The following N4BP1 variants were observed in gnomAD, a reference collection of about 807,000 sequenced individuals.
N4BP1 encodes NEDD4 binding protein 1, also known as NEDD4-binding protein 1.
N4BP1 carries 21 observed loss-of-function variants against 70.9 expected under a neutral mutation model. That is an observed-to-expected ratio of 0.30 (90% CI 0.21 to 0.43). The LOEUF is 0.43. N4BP1 is among the 20% of genes least tolerant of loss of function. N4BP1 has a pLI of 1.00. For synonymous variants in N4BP1, 387 were observed against 394.6 expected (o/e 0.98, Z 0.23); for missense variants, 936 against 1,069.4 (o/e 0.88, Z 1.74).
chr16:48,593,967 A>C (rs1284329652), intron 1 of N4BP1, among the ~76,000 whole-genome samples: 1 of 133,510 alleles, frequency 7.5e-6, no homozygotes, highest in Non-Finnish European at 1.5e-5. Flanking sequence ...ATGCCACTGC[A>C]CTCCAGCCTG....
intron 1 of N4BP1, among the ~76,000 whole-genome samples, chr16:48,592,071 G>A (rs1213217995): frequency 2.0e-5 from 3 of 152,056 alleles, no homozygotes; most frequent in Non-Finnish European, 2.9e-5. Context: ...CCACCTGGAA[G>A]GTAAGGAGGA....
chr16:48,561,976 G>T lies in N4BP1; in HGVS notation c.667C>A (p.Leu223Met). 6.2e-7 allele frequency: 1 copy of T among 1,613,884 alleles called. No individual in the cohort carries two copies. Among genetic ancestry groups the T allele is most frequent in the Non-Finnish European group, 8.5e-7 (1 of 1,179,880 alleles). Residue 223 changes from leucine to methionine, a missense_variant, in exon 2 of 7, where the codon CTG becomes ATG. By Grantham distance (15) the Leu-to-Met change is conservative. Coordinates refer to ENST00000262384, the MANE Select transcript of N4BP1 (RefSeq NM_153029.4). Reference protein sequence around the residue: ...TEFTQNAATGLNISRDETVLQ... With the variant: ...TEFTQNAATGMNISRDETVLQ... ...ACAGTTTCATCTCTAGAAATATTCA[G>T]CCCTGTGGCAGCATTCTGTGTAAAC...
chr16:48,609,728 C>A, intron 1 of N4BP1, 47 bp downstream of exon 1: 2 of 1,293,920 alleles, frequency 1.5e-6, no homozygotes, highest in Admixed American at 4.2e-5. Context: ...CCCGGAGACC[C>A]GGACCGATCG....
At chr16:48,564,109 C>G (rs559995564) in intron 1 of N4BP1, among the ~76,000 whole-genome samples, 1 of 152,222 alleles carries the variant, frequency 6.6e-6, no homozygotes, top group African/African-American at 2.4e-5. Flanking sequence ...TTTGAGAGCT[C>G]TTTATATATC....
chr16:48,555,645 G>GA (rs1344298274), intron 2 of N4BP1, among the ~76,000 whole-genome samples: 2 of 152,048 alleles, frequency 1.3e-5, no homozygotes, highest in Non-Finnish European at 2.9e-5. Context: ...TTTTTAACTA[G>GA]AAAAAAGACT....
At chr16:48,589,857 G>A (rs1015228806) in intron 1 of N4BP1, among the ~76,000 whole-genome samples, 1 of 152,210 alleles carries the variant, frequency 6.6e-6, no homozygotes, top group Non-Finnish European at 1.5e-5. Flanking sequence ...CCTTTGGGCT[G>A]TTCTTGTTCA....
intron 1 of N4BP1, among the ~76,000 whole-genome samples, chr16:48,590,411 C>A (rs1251930713): frequency 6.6e-6 from 1 of 152,154 alleles, no homozygotes; most frequent in African/African-American, 2.4e-5. Flanking sequence ...GTGAATTACT[C>A]TTTCTCCACT....
chr16:48,544,361 G>A (rs1355342111), intron 6 of N4BP1, among the ~76,000 whole-genome samples: 1 of 152,174 alleles, frequency 6.6e-6, no homozygotes, highest in Non-Finnish European at 1.5e-5. Context: ...AGCTCCCAGT[G>A]GTTCCTGTTG....
chr16:48,568,387 CATT>C (rs1963971296), intron 1 of N4BP1, among the ~76,000 whole-genome samples: 1 of 152,144 alleles, frequency 6.6e-6, no homozygotes, highest in African/African-American at 2.4e-5. Flanking sequence ...CATCAGACAA[CATT>C]ATAATTTTTC....
In N4BP1 at chr16:48,540,702, G is replaced by C. The variant is rs1426621252; in HGVS notation, c.*2202C>G. The C allele has an allele frequency of 6.6e-6, 1 of 152,312 alleles. No individual in the cohort carries two copies. The highest frequency in any genetic ancestry group is 1.5e-5 in the Non-Finnish European group (1 of 68,110). 9.4% of individuals were successfully genotyped at this position (152,312 alleles called of 1,614,324 possible). A position where few individuals can be genotyped will look rare whatever the true frequency, so the allele number is the denominator to read the frequency against. ...TTTACATGGATGCCACGAAGTGGGAGAGCCTGAGCAGTAGACAGGGAAGAG... is the reference window on the plus strand; with the variant it reads ...TTTACATGGATGCCACGAAGTGGGACAGCCTGAGCAGTAGACAGGGAAGAG... On this transcript the variant is annotated 3_prime_UTR_variant, in exon 7 of 7. Transcript: ENST00000262384.
chr16:48,555,327 G>A (rs899522887), intron 2 of N4BP1, among the ~76,000 whole-genome samples: 6 of 152,262 alleles, frequency 3.9e-5, no homozygotes, highest in South Asian at 2.1e-4. Context: ...ATCATACTCC[G>A]GCTTCCTCAC....
chr16:48,565,587 T>C (rs2151090793), intron 1 of N4BP1, among the ~76,000 whole-genome samples: 1 of 152,322 alleles, frequency 6.6e-6, no homozygotes, highest in East Asian at 1.9e-4. Context: ...GGTCTACAGT[T>C]TTCCTTTTTG....
At chr16:48,554,720 CAA>C (rs1205580341) in intron 2 of N4BP1, among the ~76,000 whole-genome samples, 2 of 152,224 alleles carry the variant, frequency 1.3e-5, no homozygotes, top group Non-Finnish European at 2.9e-5. Flanking sequence ...TGCTGCATGC[CAA>C]AACTGCTCTG....
At chr16:48,595,968 T>C (rs1410427167) in intron 1 of N4BP1, among the ~76,000 whole-genome samples, 1 of 152,214 alleles carries the variant, frequency 6.6e-6, no homozygotes, top group Non-Finnish European at 1.5e-5. Context: ...TAAAAAAGTC[T>C]TAACTGAGGT....
rs926810213 is a variant in N4BP1, at chr16:48,561,331, T to C, written c.1312A>G (p.Met438Val). The C allele has an allele frequency of 6.2e-7, 1 of 1,613,890 alleles. No individual in the cohort carries two copies. Residue 438 changes from methionine (M) to valine (V), a missense_variant, in exon 2 of 7, where the codon ATG (methionine) becomes GTG (valine). By Grantham distance (21) the Met-to-Val change is conservative. Around this residue, in one of 4 missense-constraint regions of N4BP1, gnomAD observed 515 missense variants for 491.7 expected, o/e 1.05. Coordinates refer to ENST00000262384, the MANE Select transcript of N4BP1 (RefSeq NM_153029.4). ...KKTQAHTQQNMVEKFSQLPFK... is the reference protein window; with the variant it reads ...KKTQAHTQQNVVEKFSQLPFK... ...GGTAACTGAGAAAATTTTTCTACCA[T>C]ATTTTGCTGTGTGTGAGCCTGTGTT...
rs1470879129 is a variant in N4BP1, at chr16:48,543,213, G to A, written c.2382C>T (p.Asp794=). 1.3e-6 allele frequency: 2 copies of A among 1,563,492 alleles called. No homozygotes were observed. Among genetic ancestry groups the A allele is most frequent in the Admixed American group, 3.7e-5 (2 of 54,418 alleles). The part of the protein sequence containing the change: ...LSALPNVGMF[D]PSFRVPGTQA... The stretch of plus-strand genomic sequence containing the variant: ...GGGTGCCAGGGACTCTGAAGCTGGG[G>A]TCAAACATGCCCACATTTGGCAGGG... Residue 794 remains aspartate (D), a synonymous_variant, in exon 7 of 7, where the codon GAC becomes GAT. Coordinates refer to ENST00000262384, the MANE Select transcript of N4BP1 (RefSeq NM_153029.4).
At position 48,561,900 on chromosome 16, in the gene N4BP1, G is replaced by A; in HGVS notation, c.743C>T (p.Thr248Ile). 1 of 1,613,892 alleles carries A rather than the reference G, an allele frequency of 6.2e-7. No individual in the cohort carries two copies. Among genetic ancestry groups the A allele is most frequent in the Non-Finnish European group, 8.5e-7 (1 of 1,179,882 alleles). ...AGAAAGGACTGTGTCCATTTGTTTT[G>A]TAAGCTCAGAAACAGGAGTCCCAGC... Reference protein sequence around the residue: ...NKAGTPVSELTKQMDTVLSSS... With the variant: ...NKAGTPVSELIKQMDTVLSSS... Residue 248 changes from threonine (T) to isoleucine (I), a missense_variant, in exon 2 of 7, where the codon ACA (threonine) becomes ATA (isoleucine). By Grantham distance (89) the Thr-to-Ile change is moderately conservative. This residue lies in a region of N4BP1 where 515 missense variants were observed against 491.7 expected (regional missense o/e 1.05). Transcript: ENST00000262384.
chr16:48,586,307 G>A (rs1372827179), intron 1 of N4BP1, among the ~76,000 whole-genome samples: 1 of 152,202 alleles, frequency 6.6e-6, no homozygotes, highest in Non-Finnish European at 1.5e-5. Flanking sequence ...ACACCACCAT[G>A]CTTAACTACC....
At position 48,610,061 on chromosome 16, in the gene N4BP1, G is replaced by T; in HGVS notation, c.-89C>A. On this transcript the variant is annotated 5_prime_UTR_variant, in exon 1 of 7. Coordinates refer to ENST00000262384, the MANE Select transcript of N4BP1 (RefSeq NM_153029.4). ...GCCGCTGCTCCCAAGCCAGTCAGGCGGCGTCGGCCCTTCCCGGCCGCCTCG... is the reference window on the plus strand; with the variant it reads ...GCCGCTGCTCCCAAGCCAGTCAGGCTGCGTCGGCCCTTCCCGGCCGCCTCG... The T allele has an allele frequency of 1.2e-6, 1 of 805,900 alleles. No homozygotes were observed. Among genetic ancestry groups the T allele is most frequent in the African/African-American group, 1.9e-5 (1 of 53,682 alleles). The allele number at this position is 805,900 out of a possible 1,614,324, so 49.9% of individuals were successfully genotyped here.
Sources: gnomAD v4.1 joint callset for allele counts (sites outside exome capture counted in the v4.1 genomes callset) on GRCh38, gnomAD v4.1.1 for gene constraint, gnomAD v4.1.1 regional missense constraint, MANE v1.5 for transcripts, NCBI Gene and HGNC (gene_info 2026-07-23, HGNC 2026-07-21) for gene names.